PDZD2: variants seen among roughly 807,000 people sequenced by gnomAD.
PDZD2 encodes the protein PDZ domain containing 2.
PDZD2 carries 90 observed loss-of-function variants against 220.7 expected under a neutral mutation model. The ratio of observed to expected loss-of-function variants is 0.41; its 90% CI spans 0.34 to 0.49. The LOEUF (loss-of-function observed/expected upper bound fraction) is 0.49. PDZD2 is among the 20% of genes least tolerant of loss of function. The pLI is 0.28. For missense variants in PDZD2, 3,174 were observed against 3,608.5 expected (o/e 0.88, Z 3.08); for synonymous variants, 1,375 against 1,450.5 (o/e 0.95, Z 1.18).
At chr5:32,019,526 C>G (rs1417428723) in intron 6 of PDZD2, among the ~76,000 whole-genome samples, 1 of 152,156 alleles carries the variant, frequency 6.6e-6, no homozygotes, top group East Asian at 1.9e-4. Context: ...GAGGAGAAGC[C>G]AGATGATCCC....
rs138609537 is a variant in PDZD2, at chr5:31,794,574, G to A, written c.-360-4315G>A. Among the ~76,000 whole-genome samples the A allele has an allele frequency of 3.2e-4, 49 of 151,630 alleles. No individual in the cohort carries two copies. The East Asian group carries it at 8.6e-3, about 26-fold the overall frequency. The stretch of plus-strand genomic sequence containing the variant: ...CACCACCACTCCCGGCTAATTTTTT[G>A]TATTTTGTTTAGTAGAGATCAGGGG... On this transcript the variant is annotated intron_variant, in intron 1 of 24. Coordinates refer to ENST00000438447, the MANE Select transcript of PDZD2 (RefSeq NM_178140.4).
intron 2 of PDZD2, among the ~76,000 whole-genome samples, chr5:31,859,055 C>T (rs1323942164): frequency 6.6e-6 from 1 of 152,106 alleles, no homozygotes; most frequent in African/African-American, 2.4e-5. Flanking sequence ...TTCACCTAGA[C>T]CTGCCAAGTG....
chr5:31,720,291 T>G (rs1281838720), intron 1 of PDZD2, among the ~76,000 whole-genome samples: 1 of 152,166 alleles, frequency 6.6e-6, no homozygotes, highest in Non-Finnish European at 1.5e-5. Context: ...CTTCTGCAAA[T>G]AGAATGTGGA....
intron 1 of PDZD2, among the ~76,000 whole-genome samples, chr5:31,726,373 A>G (rs1749140291): frequency 6.6e-6 from 1 of 152,234 alleles, no homozygotes; most frequent in Non-Finnish European, 1.5e-5. Context: ...TCCTAAAAAT[A>G]CAAAAATTAG....
chr5:31,767,322 A>G (rs906908045), intron 1 of PDZD2, among the ~76,000 whole-genome samples: 1 of 152,104 alleles, frequency 6.6e-6, no homozygotes, highest in Non-Finnish European at 1.5e-5. Context: ...GTGAGCCACC[A>G]CGCCCAACCC....
chr5:32,079,257 T>TCAAAAAAAAAA (rs1198621673), intron 19 of PDZD2, among the ~76,000 whole-genome samples: 1 of 87,594 alleles, frequency 1.1e-5, no homozygotes, highest in Non-Finnish European at 2.2e-5. Flanking sequence ...AGACTCTGTC[T>TCAAAAAAAAAA]CAAAAAAAAA....
intron 18 of PDZD2, 114 bp from the exon 19 acceptor site, chr5:32,077,348 C>A (rs1293021173): frequency 1.0e-6 from 1 of 1,003,252 alleles, no homozygotes; most frequent in East Asian, 2.4e-5. Context: ...GGCTCCTAGT[C>A]CAGGGCCCCT....
At chr5:32,005,033 T>G (rs1752690864) in intron 5 of PDZD2, among the ~76,000 whole-genome samples, 1 of 151,294 alleles carries the variant, frequency 6.6e-6, no homozygotes, top group South Asian at 2.1e-4. Flanking sequence ...GCTCCTAAAC[T>G]TCATCTACAC....
At chr5:31,871,736 A>G (rs1738814346) in intron 2 of PDZD2, among the ~76,000 whole-genome samples, 1 of 152,240 alleles carries the variant, frequency 6.6e-6, no homozygotes, top group Non-Finnish European at 1.5e-5. Context: ...GGCATGAGCC[A>G]CTGTGCCTGG....
chr5:31,660,219 A>C (rs954114638), intron 1 of PDZD2, among the ~76,000 whole-genome samples: 1 of 152,222 alleles, frequency 6.6e-6, no homozygotes, highest in East Asian at 1.9e-4. Flanking sequence ...TTTGATTCAT[A>C]GATTAAATAA....
At chr5:31,776,170 C>T (rs1227110743) in intron 1 of PDZD2, among the ~76,000 whole-genome samples, 2 of 152,166 alleles carry the variant, frequency 1.3e-5, no homozygotes, top group South Asian at 2.1e-4. Flanking sequence ...AGGTCTCTGC[C>T]GTTCCCTAGG....
At chr5:32,022,361 C>A (rs1401773396) in intron 6 of PDZD2, among the ~76,000 whole-genome samples, 1 of 98,870 alleles carries the variant, frequency 1.0e-5, no homozygotes, top group Non-Finnish European at 2.2e-5. Flanking sequence ...CCACTCACAG[C>A]TAATTTTTTT....
At chr5:31,679,318 C>T (rs1452467555) in intron 1 of PDZD2, among the ~76,000 whole-genome samples, 1 of 152,214 alleles carries the variant, frequency 6.6e-6, no homozygotes, top group African/African-American at 2.4e-5. Flanking sequence ...AAAATATTTC[C>T]AGTAGCTTAT....
At chr5:31,811,629 T>C (rs972762500) in intron 2 of PDZD2, among the ~76,000 whole-genome samples, 3 of 152,184 alleles carry the variant, frequency 2.0e-5, no homozygotes, top group Admixed American at 6.5e-5. Flanking sequence ...CACAAATGTA[T>C]CTTCACAAAT....
At chr5:31,856,013 T>C (rs1478139898) in intron 2 of PDZD2, among the ~76,000 whole-genome samples, 1 of 152,192 alleles carries the variant, frequency 6.6e-6, no homozygotes. Flanking sequence ...ATGCTTTTCA[T>C]AGAAATAGGC....
At chr5:31,812,520 C>T (rs1308856884) in intron 2 of PDZD2, among the ~76,000 whole-genome samples, 1 of 151,988 alleles carries the variant, frequency 6.6e-6, no homozygotes, top group African/African-American at 2.4e-5. Flanking sequence ...CTCACTGCAG[C>T]CTTGAACTCC....
intron 1 of PDZD2, among the ~76,000 whole-genome samples, chr5:31,648,749 C>T (rs910231559): frequency 2.6e-5 from 4 of 151,626 alleles, no homozygotes; most frequent in Non-Finnish European, 5.9e-5. Flanking sequence ...TCCTGTATAC[C>T]TCTTGCCCCT....
At chr5:31,932,902 G>A (rs1462977712) in intron 2 of PDZD2, among the ~76,000 whole-genome samples, 1 of 29,268 alleles carries the variant, frequency 3.4e-5, no homozygotes, top group African/African-American at 2.2e-4. Context: ...TTAGCATAGT[G>A]TCCTTTTTTT....
intron 1 of PDZD2, among the ~76,000 whole-genome samples, chr5:31,745,454 G>A (rs1750541483): frequency 6.6e-6 from 1 of 152,180 alleles, no homozygotes; most frequent in Non-Finnish European, 1.5e-5. Flanking sequence ...ATGGATTCAA[G>A]TGGATGTGGG....
Sources: allele counts gnomAD v4.1 joint callset (sites outside exome capture counted in the v4.1 genomes callset), GRCh38; gene constraint gnomAD v4.1.1; transcripts MANE v1.5; gene names NCBI Gene and HGNC (gene_info 2026-07-23, HGNC 2026-07-21).